The following ODAD1 variants were observed in gnomAD, a reference collection of about 807,000 sequenced individuals.
The protein encoded by ODAD1 is outer dynein arm docking complex subunit 1, also known as outer dynein arm-docking complex subunit 1.
Under a neutral mutation model 67.2 loss-of-function variants are expected in ODAD1, and 49 were observed. The ratio of observed to expected loss-of-function variants is 0.73; its 90% CI spans 0.58 to 0.92. The LOEUF is 0.92. Among genes scored for constraint, ODAD1 ranks in the 40% least tolerant of loss-of-function variants. The probability of loss-of-function intolerance (pLI) is 0.00; values close to 1 mark genes in which losing one functional copy is unlikely to be tolerated. For synonymous variants in ODAD1, 345 were observed against 393.7 expected, an observed-to-expected ratio of 0.88 and a Z score of 1.46; for missense variants, 897 against 953.7, an observed-to-expected ratio of 0.94 and a Z score of 0.78.
At chr19:48,311,782 A>C (rs752868407) in intron 6 of ODAD1, 116 bp from the exon 7 acceptor site, 1 of 809,658 alleles carries the variant, frequency 1.2e-6, no homozygotes, top group Non-Finnish European at 2.1e-6. Flanking sequence ...TTTCCTGAGA[A>C]ACAGAGGTTC....
In ODAD1 at chr19:48,312,075, A is replaced by G; in HGVS notation, c.402T>C (p.Asn134=). ...WETRIFTHSK[N]VRSPGFILDQ... ...CCAGGATGAATCCCGGGGACCTGAC[A>G]TTCTTACTGTGGGTAAAGATCCGCG... Residue 134 remains asparagine, a synonymous_variant, in exon 6 of 16, where the codon AAT becomes AAC. Coordinates refer to ENST00000674294, the MANE Select transcript of ODAD1 (RefSeq NM_001364171.2). The G allele has an allele frequency of 1.3e-6, 2 of 1,550,524 alleles. No individual in the cohort carries two copies. The highest frequency in any genetic ancestry group is 1.7e-6 in the Non-Finnish European group (2 of 1,145,584).
rs1569000771 is a variant in ODAD1, at chr19:48,297,458, TC to T, written c.1641del (p.Lys548SerfsTer6). 6.2e-7 allele frequency: 1 copy of T among 1,601,646 alleles called. No individual in the cohort carries two copies. Among genetic ancestry groups the T allele is most frequent in the East Asian group, 2.2e-5 (1 of 44,794 alleles). On this transcript the variant is annotated frameshift_variant, in exon 16 of 16. Coordinates refer to ENST00000674294, the MANE Select transcript of ODAD1 (RefSeq NM_001364171.2). LOFTEE classifies it low-confidence loss of function (END_TRUNC). ...TCCACGCTCAGGGTGCCGTCCAGCT[TC>T]GCGGCGGCGGCGGCCAGGTCCTTCT... ...QRQKDLAAAA[A>X]KLDGTLSVDL...
Position 48,297,586 on chromosome 19 carries a change from T to C in ODAD1, c.1581+4A>G, listed in dbSNP as rs759409470. The C allele has an allele frequency of 1.6e-5, 25 of 1,554,760 alleles. No homozygotes were observed. Among genetic ancestry groups the C allele is most frequent in the Non-Finnish European group, 1.7e-5 (20 of 1,153,862 alleles). On this transcript the variant is annotated splice_donor_region_variant and intron_variant, in intron 15 of 15. Transcript: ENST00000674294. The stretch of plus-strand genomic sequence containing the variant: ...GGCCCCACCCCCGCAGGCCCCACTC[T>C]CACCAGCTTCTCCACTTGGCTCAGC...
At chr19:48,303,529 C>T (rs933105260) in intron 10 of ODAD1, 121 bp downstream of exon 10, 40 of 1,273,874 alleles carry the variant, frequency 3.1e-5, no homozygotes, top group South Asian at 2.2e-4. Flanking sequence ...CCAGGCATGA[C>T]GCCTTGTTCC....
At chr19:48,297,760 T>G in intron 14 of ODAD1, 92 bp from the exon 15 acceptor site, 1 of 1,143,410 alleles carries the variant, frequency 8.7e-7, no homozygotes, top group Non-Finnish European at 1.2e-6. Flanking sequence ...GCCTCAGCCA[T>G]TCTCCCACCA....
intron 4 of ODAD1, 62 bp downstream of exon 4, chr19:48,318,651 G>A: frequency 2.6e-6 from 4 of 1,535,026 alleles, no homozygotes; most frequent in Non-Finnish European, 3.5e-6. Context: ...GGACCCAGGA[G>A]TCCAGTCTTC....
chr19:48,310,674 G>C (rs1046072798), intron 7 of ODAD1, among the ~76,000 whole-genome samples: 25 of 152,204 alleles, frequency 1.6e-4, no homozygotes, highest in African/African-American at 5.8e-4. Context: ...TAGTAAGAGT[G>C]GGGGAGAAAG....
Position 48,318,489 on chromosome 19 carries a change from G to A in ODAD1, c.258C>T (p.Asp86=). 1 of 1,551,620 alleles carries A rather than the reference G, an allele frequency of 6.4e-7. No homozygotes were observed. Among genetic ancestry groups the A allele is most frequent in the South Asian group, 1.2e-5 (1 of 84,056 alleles). Residue 86 remains aspartate (D), a synonymous_variant, in exon 5 of 16, where the codon GAC becomes GAT. Coordinates refer to ENST00000674294, the MANE Select transcript of ODAD1 (RefSeq NM_001364171.2). ...AAQNQVKRLR[D]SQRLENMDRL... is the part of the protein sequence containing the mutation. ...GGTCCATGTTCTCCAGCCGCTGACTGTCCCGAAGCCGCTTGACCTGGTTCT... is the reference window on the plus strand; with the variant it reads ...GGTCCATGTTCTCCAGCCGCTGACTATCCCGAAGCCGCTTGACCTGGTTCT...
At chr19:48,301,824 T>TGGAC (rs1294498022) in intron 12 of ODAD1, among the ~76,000 whole-genome samples, 18 of 136,000 alleles carry the variant, frequency 1.3e-4, no homozygotes, top group Non-Finnish European at 1.1e-4. Flanking sequence ...CCTGGATGGA[T>TGGAC]GGATGGATGG....
rs965334264 is a variant in ODAD1, at chr19:48,296,657, A to G, written c.*319T>C. On this transcript the variant is annotated 3_prime_UTR_variant, in exon 16 of 16. Coordinates refer to ENST00000674294, the MANE Select transcript of ODAD1 (RefSeq NM_001364171.2). The stretch of plus-strand genomic sequence containing the variant: ...GAGAGCCGGAAACAGGAGGTGGGGG[A>G]TCCACAGGGGGCCAGGGCTCAGCAG... 3.2e-6 allele frequency: 2 copies of G among 629,896 alleles called. No individual in the cohort carries two copies. Among genetic ancestry groups the G allele is most frequent in the African/African-American group, 3.9e-5 (2 of 51,338 alleles). The allele number at this position is 629,896 out of a possible 1,614,324, so 39.0% of individuals were successfully genotyped here.
chr19:48,311,282 T>C (rs554328161), intron 7 of ODAD1, among the ~76,000 whole-genome samples: 1 of 152,250 alleles, frequency 6.6e-6, no homozygotes, highest in African/African-American at 2.4e-5. Context: ...GTGGAATGTA[T>C]AATAAATGGT....
In ODAD1 at chr19:48,297,000, G is replaced by T; in HGVS notation, c.2100C>A (p.Ser700=). The T allele has an allele frequency of 6.2e-7, 1 of 1,606,722 alleles. No homozygotes were observed. ...GPASSTGPGS[S]TSKDSRG ...GTTAGCCCCGGGAGTCTTTGCTGGT[G>T]GAGGAGCCCGGGCCAGTGCTGGAGG... The change falls in exon 16 of 16, where the codon TCC becomes TCA. Residue 700 remains serine, a synonymous_variant. Transcript: ENST00000674294.
chr19:48,312,141 T>G (rs1456851869), intron 5 of ODAD1, 25 bp from the exon 6 acceptor site: 2 of 1,539,880 alleles, frequency 1.3e-6, no homozygotes, highest in Non-Finnish European at 1.8e-6. Flanking sequence ...ATGGTACCTG[T>G]TTTTGGTTGC....
chr19:48,302,529 G>T (rs967942863), intron 12 of ODAD1, among the ~76,000 whole-genome samples, 165 bp downstream of exon 12: 1 of 152,144 alleles, frequency 6.6e-6, no homozygotes, highest in African/African-American at 2.4e-5. Context: ...GATGGACATG[G>T]GACAGTTGGA....
At chr19:48,298,154 C>G in intron 13 of ODAD1, 23 bp downstream of exon 13, 4 of 1,612,132 alleles carry the variant, frequency 2.5e-6, no homozygotes, top group Non-Finnish European at 3.4e-6. Context: ...GGCCTCCTGT[C>G]CCGGCTCCCT....
rs58160570 is a variant in ODAD1 at position 48,297,524 on chromosome 19, G to C, written c.1582-6C>G. ...GCCTGCTCCTGGAGCTCCACCTGCAGGGAAGGTGAACTGGGCCCCGACACA... is the reference window on the plus strand; with the variant it reads ...GCCTGCTCCTGGAGCTCCACCTGCACGGAAGGTGAACTGGGCCCCGACACA... On this transcript the variant is annotated splice_polypyrimidine_tract_variant and splice_region_variant and intron_variant, in intron 15 of 15. Transcript: ENST00000674294. 3 of 1,603,108 alleles carry C rather than the reference G, an allele frequency of 1.9e-6. No individual in the cohort carries two copies. Among genetic ancestry groups the C allele is most frequent in the Non-Finnish European group, 2.6e-6 (3 of 1,175,268 alleles).
intron 5 of ODAD1, among the ~76,000 whole-genome samples, chr19:48,317,264 A>ATG (rs775979675): frequency 2.0e-5 from 3 of 152,082 alleles, no homozygotes; most frequent in Non-Finnish European, 4.4e-5. Flanking sequence ...ATATTAATAT[A>ATG]TGTGTGTGTG....
chr19:48,314,678 C>T (rs547326265), intron 5 of ODAD1, among the ~76,000 whole-genome samples: 1 of 152,046 alleles, frequency 6.6e-6, no homozygotes. Context: ...CAGTGTCTCA[C>T]GCCTGTAATC....
chr19:48,303,810 G>A lies in ODAD1; in HGVS notation c.854-26C>T, dbSNP rs201561924. 3.0e-5 allele frequency: 47 copies of A among 1,591,254 alleles called. No homozygotes were observed. The East Asian group carries it at 6.0e-4, about 20-fold the overall frequency. On this transcript the variant is annotated intron_variant, in intron 9 of 15. Transcript: ENST00000674294. ...CTAGGGGAAGAGAGAACAGCAGGTC[G>A]GCCTCCTGGGTGGCCTCCAACACAG...
Sources: allele counts gnomAD v4.1 joint callset (sites outside exome capture counted in the v4.1 genomes callset), GRCh38; gene constraint gnomAD v4.1.1; transcripts MANE v1.5; gene names NCBI Gene and HGNC (gene_info 2026-07-23, HGNC 2026-07-21).